TGM6: variants seen among roughly 807,000 people sequenced by gnomAD.
TGM6 encodes transglutaminase 6.
In TGM6, 74 loss-of-function variants were observed where a neutral mutation model predicts 77.5. That is an observed-to-expected ratio of 0.96 (90% CI 0.79 to 1.16). The LOEUF is 1.16. TGM6 is among the 50% of genes most tolerant of loss of function. The pLI is 0.00. For missense variants in TGM6, 968 were observed against 940.2 expected, an observed-to-expected ratio of 1.03 and a Z score of -0.39; for synonymous variants, 383 against 378.9, an observed-to-expected ratio of 1.01 and a Z score of -0.12.
chr20:2,410,065 A>G (rs894305451), intron 9 of TGM6, among the ~76,000 whole-genome samples: 2 of 152,208 alleles, frequency 1.3e-5, no homozygotes, highest in Non-Finnish European at 2.9e-5. Context: ...TGAGAAGAGC[A>G]TCAGCTATAT....
rs765423180 is a variant in TGM6, at chr20:2,403,657, C to T, written c.1170C>T (p.Phe390=). 2.1e-5 allele frequency: 34 copies of T among 1,614,092 alleles called. No individual in the cohort carries two copies. Among genetic ancestry groups the T allele is most frequent in the African/African-American group, 1.1e-4 (8 of 74,930 alleles). ...GDVHLAHDGP[F]VFAEVNADYI... ...TGCACCTGGCTCACGATGGCCCCTT[C>T]GTGTTTGCGGAGGTCAACGCCGACT... Residue 390 remains phenylalanine, a synonymous_variant, in exon 9 of 13, where the codon TTC becomes TTT. Coordinates refer to ENST00000202625, the MANE Select transcript of TGM6 (RefSeq NM_198994.3).
chr20:2,389,589 C>A (rs1338008612), intron 1 of TGM6, among the ~76,000 whole-genome samples: 1 of 152,156 alleles, frequency 6.6e-6, no homozygotes, highest in Non-Finnish European at 1.5e-5. Flanking sequence ...CCTTCACCAA[C>A]CTGAAATTGA....
intron 9 of TGM6, among the ~76,000 whole-genome samples, chr20:2,412,771 T>C (rs1208381288): frequency 6.6e-6 from 1 of 151,900 alleles, no homozygotes; most frequent in Non-Finnish European, 1.5e-5. Context: ...AGAAAATAAA[T>C]CCATTTACAA....
In TGM6 at chr20:2,398,053, AG is replaced by A. The variant is rs1240927077; in HGVS notation, c.672+8del. On this transcript the variant is annotated splice_region_variant and intron_variant, in intron 5 of 12. Transcript: ENST00000202625. ...CAGGGTCATCAGTGCCATGGTGAGA[AG>A]CCCCTCCATCCCTGCACATGTACTT... 1.2e-6 allele frequency: 2 copies of A among 1,614,104 alleles called. No homozygotes were observed. The highest frequency in any genetic ancestry group is 1.1e-5 in the South Asian group (1 of 91,072).
chr20:2,427,295 A>G (rs1308146878), intron 10 of TGM6, among the ~76,000 whole-genome samples: 1 of 152,154 alleles, frequency 6.6e-6, no homozygotes, highest in African/African-American at 2.4e-5. Context: ...AAAGTTGTTC[A>G]TAATATTCCT....
chr20:2,419,216 C>G (rs961118853), intron 10 of TGM6, among the ~76,000 whole-genome samples: 17 of 152,156 alleles, frequency 1.1e-4, no homozygotes, highest in African/African-American at 3.9e-4. Context: ...CTCTATCTCT[C>G]TCAGTCTATC....
At chr20:2,424,149 C>T (rs888685228) in intron 10 of TGM6, among the ~76,000 whole-genome samples, 3 of 152,196 alleles carry the variant, frequency 2.0e-5, no homozygotes, top group African/African-American at 7.2e-5. Context: ...AACTTAAAGT[C>T]ACCAGCTGCA....
At chr20:2,405,661 T>C (rs2084745324) in intron 9 of TGM6, among the ~76,000 whole-genome samples, 1 of 152,240 alleles carries the variant, frequency 6.6e-6, no homozygotes, top group Non-Finnish European at 1.5e-5. Flanking sequence ...TCCTGTGCTG[T>C]TCCTCTAGAC....
Position 2,431,046 on chromosome 20 carries a change from G to A in TGM6, c.1967+19G>A. The stretch of plus-strand genomic sequence containing the variant: ...GCATCGAGTAAGTGCCAGCCTGGGG[G>A]GCTGGCAGGGAATGGGGCTCTCTTC... On this transcript the variant is annotated intron_variant, in intron 12 of 12. Transcript: ENST00000202625. 3 of 1,612,818 alleles carry A rather than the reference G, an allele frequency of 1.9e-6. No homozygotes were observed. The highest frequency in any genetic ancestry group is 2.5e-6 in the Non-Finnish European group (3 of 1,179,482).
At chr20:2,396,730 G>A (rs1162334757) in intron 4 of TGM6, 106 bp downstream of exon 4, 10 of 1,040,172 alleles carry the variant, frequency 9.6e-6, no homozygotes, top group Middle Eastern at 2.7e-4. Flanking sequence ...GACAAGGGGG[G>A]CTCACTCCTA....
At chr20:2,381,315 G>A (rs1568649352) in intron 1 of TGM6, among the ~76,000 whole-genome samples, 1 of 152,140 alleles carries the variant, frequency 6.6e-6, no homozygotes, top group Non-Finnish European at 1.5e-5. Flanking sequence ...ACATTCCATG[G>A]ATCCAGAGAC....
At chr20:2,392,851 C>T (rs530836379) in intron 1 of TGM6, among the ~76,000 whole-genome samples, 4 of 152,236 alleles carry the variant, frequency 2.6e-5, no homozygotes, top group South Asian at 2.1e-4. Context: ...TGCAGTGATC[C>T]GAGATTGCGC....
chr20:2,400,569 G>A (rs996274731), intron 7 of TGM6, 125 bp downstream of exon 7: 77 of 1,406,412 alleles, frequency 5.5e-5, no homozygotes, highest in East Asian at 2.9e-4. Context: ...AATCTGAGCC[G>A]GCTCTGGAGG....
At chr20:2,398,114 A>T in intron 5 of TGM6, 68 bp downstream of exon 5, 1 of 1,612,138 alleles carries the variant, frequency 6.2e-7, no homozygotes, top group Non-Finnish European at 8.5e-7. Flanking sequence ...CGGGGCCACA[A>T]CCTGTGATTC....
chr20:2,426,239 A>C (rs973566641), intron 10 of TGM6, among the ~76,000 whole-genome samples: 8 of 151,864 alleles, frequency 5.3e-5, no homozygotes, highest in Non-Finnish European at 8.8e-5. Context: ...TTAATGCCTA[A>C]GTGTTCCATT....
chr20:2,399,607 G>A lies in TGM6; in HGVS notation c.719G>A (p.Gly240Asp), dbSNP rs1420176192. 6.2e-7 allele frequency: 1 copy of A among 1,613,416 alleles called. No homozygotes were observed. Among genetic ancestry groups the A allele is most frequent in the Non-Finnish European group, 8.5e-7 (1 of 1,179,976 alleles). ...GGTGTGGTGCAAGGACAGTGGCAGG[G>A]CAAGTACGGCGGCGGCACCAGCCCG... ...DRGVVQGQWQ[G>D]KYGGGTSPLH... The change falls in exon 6 of 13, where the codon GGC becomes GAC. Residue 240 changes from glycine (G) to aspartate (D), a missense_variant. By Grantham distance (94) the Gly-to-Asp change is moderately conservative. Transcript: ENST00000202625.
chr20:2,400,275 C>A, intron 6 of TGM6, 31 bp from the exon 7 acceptor site: 3 of 1,613,708 alleles, frequency 1.9e-6, no homozygotes, highest in Non-Finnish European at 2.5e-6. Context: ...GGGCCAGGGT[C>A]CCGCCTGCTC....
intron 1 of TGM6, among the ~76,000 whole-genome samples, chr20:2,390,801 G>A (rs2084624776): frequency 6.6e-6 from 1 of 152,130 alleles, no homozygotes; most frequent in Non-Finnish European, 1.5e-5. Context: ...CTTGAAGAAG[G>A]AGGCAAGGGA....
At chr20:2,390,739 T>C (rs1265837053) in intron 1 of TGM6, among the ~76,000 whole-genome samples, 1 of 152,086 alleles carries the variant, frequency 6.6e-6, no homozygotes, top group Non-Finnish European at 1.5e-5. Flanking sequence ...TTGCAATTTA[T>C]AAAGGAGTGG....
Sources: gnomAD v4.1 joint callset for allele counts (sites outside exome capture counted in the v4.1 genomes callset) on GRCh38, gnomAD v4.1.1 for gene constraint, MANE v1.5 for transcripts, NCBI Gene and HGNC (gene_info 2026-07-23, HGNC 2026-07-21) for gene names.